The following DNAH17 variants were observed in gnomAD, a reference collection of about 807,000 sequenced individuals.
DNAH17 encodes dynein axonemal heavy chain 17, also known as axonemal beta dynein heavy chain 17.
A neutral mutation model predicts 485.6 loss-of-function variants in DNAH17; 376 were observed. The ratio of observed to expected loss-of-function variants is 0.77; its 90% CI spans 0.71 to 0.84. The LOEUF (loss-of-function observed/expected upper bound fraction) is 0.84, where lower values mean the gene tolerates loss of function less well. Ranked by LOEUF, DNAH17 falls within the 40% of genes least tolerant of loss-of-function variation. The pLI is 0.00. For missense variants in DNAH17, 6,370 were observed against 5,839.3 expected (o/e 1.09, Z -2.96); for synonymous variants, 3,031 against 2,405.9 (o/e 1.26, Z -7.60).
In DNAH17 at chr17:78,554,436, CAAAAAAAAAAAAAAA is replaced by C. The variant is rs55701739; in HGVS notation, c.2179-1646_2179-1632del. Among the ~76,000 whole-genome samples, 9 of 32,264 alleles carry C rather than the reference CAAAAAAAAAAAAAAA, an allele frequency of 2.8e-4. No homozygotes were observed. The East Asian group carries it at 7.0e-3, about 25-fold the overall frequency. 21.2% of individuals were successfully genotyped at this position (32,264 alleles called of 152,430 possible). On this transcript the variant is annotated intron_variant, in intron 14 of 80. Coordinates refer to ENST00000389840, the MANE Select transcript of DNAH17 (RefSeq NM_173628.4). ...TGGACAATAGAATGAGACTCTGTCT[CAAAAAAAAAAAAAAA>C]AAAAAAAAAAAAAAAAAAAAGGATA...
intron 37 of DNAH17, 33 bp downstream of exon 37, chr17:78,498,975 C>A: frequency 1.3e-6 from 2 of 1,542,576 alleles, no homozygotes; most frequent in Non-Finnish European, 8.8e-7. Context: ...AGTCACCCGA[C>A]GTGACCCCGA....
At chr17:78,555,920 G>A (rs2092011933) in intron 14 of DNAH17, among the ~76,000 whole-genome samples, 1 of 152,194 alleles carries the variant, frequency 6.6e-6, no homozygotes, top group Admixed American at 6.5e-5. Flanking sequence ...TTTGGACTGG[G>A]ATTTACACCA....
rs199839203 is a variant in DNAH17 at position 78,514,853 on chromosome 17, G to A, written c.4034C>T (p.Thr1345Met). ...CAGCTCGCTCACGGCACGCAGGGAC[G>A]TGATCACGTTTTTCACGGTGTTGTC... Reference protein sequence around the residue: ...GLDNTVKNVITSLRAVSELQN... With the variant: ...GLDNTVKNVIMSLRAVSELQN... Residue 1345 changes from threonine (T) to methionine (M), a missense_variant, in exon 26 of 81, where the codon ACG (threonine) becomes ATG (methionine). Thr to Met is a moderately conservative substitution (Grantham distance 81, BLOSUM62 -1). Coordinates refer to ENST00000389840, the MANE Select transcript of DNAH17 (RefSeq NM_173628.4). 11 of 1,613,948 alleles carry A rather than the reference G, an allele frequency of 6.8e-6. No individual in the cohort carries two copies. The highest frequency in any genetic ancestry group is 1.6e-4 in the Middle Eastern group (1 of 6,084).
At chr17:78,474,758 A>G (rs1250276196) in intron 54 of DNAH17, among the ~76,000 whole-genome samples, 1 of 145,664 alleles carries the variant, frequency 6.9e-6, no homozygotes. Flanking sequence ...CACACCCTTT[A>G]CCTCAGTCAC....
rs200871847 is a variant in DNAH17 at position 78,574,808 on chromosome 17, A to G, written c.250T>C (p.Ser84Pro). The G allele has an allele frequency of 3.0e-4, 491 of 1,613,942 alleles. 3 individuals are homozygous for G. In the African/African-American group the frequency reaches 5.6e-3, roughly 18 times the overall value. ...TAGTTGTCCTTGTTGATGTTCTCGG[A>G]CTTTGTCTTGATGAAGTAAACCCCT... is the stretch of plus-strand genomic sequence containing the variant. Reference protein sequence around the residue: ...SKGVYFIKTKSENINKDNYRA... With the variant: ...SKGVYFIKTKPENINKDNYRA... Residue 84 changes from serine (S) to proline (P), a missense_variant, in exon 2 of 81, where the codon TCC becomes CCC. Transcript: ENST00000389840.
rs553396818 is a variant in DNAH17, at chr17:78,450,871, C to A, written c.10735-25G>T. 1.1e-5 allele frequency: 17 copies of A among 1,611,376 alleles called. No homozygotes were observed. In the East Asian group the frequency reaches 1.3e-4, roughly 13 times the overall value. ...CCTGCAAGGGGAGGTGCAGGAGTCA[C>A]TGCATTGCCTGGCTCTGTCCACCGG... On this transcript the variant is annotated intron_variant, in intron 66 of 80. Transcript: ENST00000389840.
chr17:78,550,829 C>T (rs1006897470), intron 16 of DNAH17, among the ~76,000 whole-genome samples: 2 of 152,064 alleles, frequency 1.3e-5, no homozygotes, highest in Middle Eastern at 3.2e-3. Context: ...TAGATGAGGT[C>T]AAAAGAAAGA....
chr17:78,498,923 G>A (rs2090171955), intron 37 of DNAH17, 85 bp downstream of exon 37: 5 of 1,034,026 alleles, frequency 4.8e-6, no homozygotes, highest in Admixed American at 2.6e-5. Flanking sequence ...GAGGCAAGGA[G>A]GGTCTATCTG....
rs1053496667 is a variant in DNAH17, at chr17:78,561,850, A to C, written c.1700T>G (p.Met567Arg). 1 of 1,613,956 alleles carries C rather than the reference A, an allele frequency of 6.2e-7. No homozygotes were observed. Among genetic ancestry groups the C allele is most frequent in the South Asian group, 1.1e-5 (1 of 91,086 alleles). The change falls in exon 12 of 81, where the codon ATG becomes AGG. Residue 567 changes from methionine (M) to arginine (R), a missense_variant. By Grantham distance (91) the Met-to-Arg change is moderately conservative (BLOSUM62 -1). Coordinates refer to ENST00000389840, the MANE Select transcript of DNAH17 (RefSeq NM_173628.4). ...GATGTTCCCCTCCTCGGAGGCCGCC[A>C]TCTGGGCATCGTACAAGATCTTAGC... ...DNAKILYDAQ[M>R]AASEEGNIPL...
intron 51 of DNAH17, 187 bp downstream of exon 51, chr17:78,478,838 C>T (rs1033942685): frequency 1.5e-5 from 9 of 583,498 alleles, no homozygotes; most frequent in African/African-American, 7.5e-5. Flanking sequence ...CGACCATCAC[C>T]ATTACCACCA....
chr17:78,523,306 T>G (rs1159663999), intron 25 of DNAH17, among the ~76,000 whole-genome samples: 2 of 151,098 alleles, frequency 1.3e-5, no homozygotes, highest in African/African-American at 4.9e-5. Flanking sequence ...GTATTTTTAG[T>G]AGAGACGGGG....
intron 18 of DNAH17, among the ~76,000 whole-genome samples, chr17:78,538,551 G>A (rs1174486130): frequency 6.6e-6 from 1 of 152,176 alleles, no homozygotes; most frequent in East Asian, 1.9e-4. Context: ...TGAGTGAGGT[G>A]CTAATTGGGA....
At position 78,458,987 on chromosome 17, in the gene DNAH17, G is replaced by A. The variant is rs777908363; in HGVS notation, c.9861+14C>T. 18 of 1,613,528 alleles carry A rather than the reference G, an allele frequency of 1.1e-5. No individual in the cohort carries two copies. In the Admixed American group the frequency reaches 2.0e-4, roughly 18 times the overall value. On this transcript the variant is annotated intron_variant, in intron 61 of 80. Coordinates refer to ENST00000389840, the MANE Select transcript of DNAH17 (RefSeq NM_173628.4). ...TCTGGTGTTTCGCAGGGACGGGAGC[G>A]AGCCGGCACTTACGGCAATCTTGTT...
intron 54 of DNAH17, among the ~76,000 whole-genome samples, chr17:78,472,431 G>A (rs1216960872): frequency 1.3e-5 from 2 of 152,036 alleles, no homozygotes; most frequent in South Asian, 2.1e-4. Context: ...CACCCCACCC[G>A]ATGGCTGCTT....
chr17:78,502,264 CCTT>C (rs141632101), intron 33 of DNAH17: 56,092 of 326,330 alleles, frequency 0.17, 5,637 homozygotes, highest in African/African-American at 0.26. Flanking sequence ...GGTAAATTCT[CCTT>C]CTTTTCAAGA....
intron 51 of DNAH17, 28 bp downstream of exon 51, chr17:78,478,997 G>A (rs747782833): frequency 6.3e-7 from 1 of 1,599,460 alleles, no homozygotes; most frequent in Non-Finnish European, 8.6e-7. Context: ...CGTAAGGCAG[G>A]CATGACATAA....
intron 61 of DNAH17, 81 bp from the exon 62 acceptor site, chr17:78,458,761 T>C (rs2087934822): frequency 1.5e-6 from 2 of 1,312,804 alleles, no homozygotes; most frequent in African/African-American, 1.5e-5. Flanking sequence ...GGCTGGGCCC[T>C]GTGAGCGCTG....
Position 78,460,156 on chromosome 17 carries a change from CT to C in DNAH17, c.9435+5del. On this transcript the variant is annotated splice_donor_5th_base_variant and intron_variant, in intron 59 of 80. Transcript: ENST00000389840. ...AGGGGTCCCCTTTCTTTCCCTCCCC[CT>C]TTACCTTATTCAGAGTGTCCAGAGC... The C allele has an allele frequency of 6.2e-7, 1 of 1,602,120 alleles. No homozygotes were observed. Among genetic ancestry groups the C allele is most frequent in the Non-Finnish European group, 8.5e-7 (1 of 1,173,406 alleles).
chr17:78,565,304 G>T (rs990600047), intron 11 of DNAH17, among the ~76,000 whole-genome samples: 1 of 152,226 alleles, frequency 6.6e-6, no homozygotes, highest in Non-Finnish European at 1.5e-5. Flanking sequence ...CAGCAAGGAG[G>T]TGCTGTATTA....
Sources: gnomAD v4.1 joint callset for allele counts (sites outside exome capture counted in the v4.1 genomes callset) on GRCh38, gnomAD v4.1.1 for gene constraint, MANE v1.5 for transcripts, NCBI Gene and HGNC (gene_info 2026-07-23, HGNC 2026-07-21) for gene names.